The following KIAA0825 variants were observed in gnomAD, a reference collection of about 807,000 sequenced individuals.
The protein encoded by KIAA0825 is uncharacterized protein KIAA0825.
A neutral mutation model predicts 147.6 loss-of-function variants in KIAA0825; 119 were observed. That is an observed-to-expected ratio of 0.81 (90% confidence interval 0.69 to 0.94). The LOEUF (loss-of-function observed/expected upper bound fraction) is 0.94, where lower values mean the gene tolerates loss of function less well. Ranked by LOEUF, KIAA0825 falls within the 40% of genes least tolerant of loss-of-function variation. The pLI, the probability that KIAA0825 is intolerant of heterozygous loss-of-function variation, is 0.00. For synonymous variants in KIAA0825, 470 were observed against 518.1 expected, an observed-to-expected ratio of 0.91 and a Z score of 1.26; for missense variants, 1,381 against 1,472.7, an observed-to-expected ratio of 0.94 and a Z score of 1.02.
intron 20 of KIAA0825, among the ~76,000 whole-genome samples, chr5:94,292,633 A>C (rs1777951835): frequency 6.6e-6 from 1 of 152,170 alleles, no homozygotes; most frequent in African/African-American, 2.4e-5. Flanking sequence ...GTCTCATAAA[A>C]TGAGTTAGGG....
At chr5:94,190,491 ATTTTTTTTTTTTT>A (rs70975895) in intron 20 of KIAA0825, among the ~76,000 whole-genome samples, 4 of 106,302 alleles carry the variant, frequency 3.8e-5, no homozygotes, top group Non-Finnish European at 5.8e-5. Context: ...ACGCCCAGCT[ATTTTTTTTTTTTT>A]TTTTTTTTTT....
intron 18 of KIAA0825, among the ~76,000 whole-genome samples, chr5:94,388,352 C>A (rs1749456721): frequency 6.6e-6 from 1 of 152,056 alleles, no homozygotes; most frequent in Admixed American, 6.5e-5. Context: ...GGTTGGGGAC[C>A]CCTGTTGTAG....
intron 5 of KIAA0825, among the ~76,000 whole-genome samples, chr5:94,508,185 A>G (rs1411595459): frequency 2.6e-5 from 4 of 151,800 alleles, no homozygotes; most frequent in African/African-American, 9.7e-5. Flanking sequence ...TGCTGGATAT[A>G]ATCACTAATT....
intron 2 of KIAA0825, among the ~76,000 whole-genome samples, chr5:94,574,418 C>A (rs1780579285): frequency 6.6e-6 from 1 of 151,796 alleles, no homozygotes; most frequent in African/African-American, 2.4e-5. Context: ...TTGGTGTATG[C>A]CTGTAATCCC....
intron 2 of KIAA0825, among the ~76,000 whole-genome samples, chr5:94,547,292 TGAAA>T (rs1774598702): frequency 6.6e-6 from 1 of 152,110 alleles, no homozygotes; most frequent in African/African-American, 2.4e-5. Context: ...GAAAGTTTAT[TGAAA>T]GAAATAATTT....
intron 10 of KIAA0825, among the ~76,000 whole-genome samples, chr5:94,467,408 G>T (rs540952636): frequency 1.3e-5 from 2 of 152,278 alleles, no homozygotes; most frequent in East Asian, 3.9e-4. Flanking sequence ...ACAAGCAGCT[G>T]GGCTTTATTA....
intron 20 of KIAA0825, among the ~76,000 whole-genome samples, chr5:94,289,825 A>C (rs941011278): frequency 2.0e-5 from 3 of 151,840 alleles, no homozygotes; most frequent in African/African-American, 7.3e-5. Flanking sequence ...AGATCACTTG[A>C]GCCCAGGAGT....
intron 5 of KIAA0825, among the ~76,000 whole-genome samples, chr5:94,492,453 A>G (rs970481393): frequency 6.6e-6 from 1 of 152,134 alleles, no homozygotes; most frequent in African/African-American, 2.4e-5. Flanking sequence ...GCTCCTTCCT[A>G]TTTTGCCTTG....
intron 20 of KIAA0825, among the ~76,000 whole-genome samples, chr5:94,369,519 G>A (rs1746359707): frequency 6.6e-6 from 1 of 152,210 alleles, no homozygotes; most frequent in Non-Finnish European, 1.5e-5. Flanking sequence ...GAGGTGGGAA[G>A]GATGTGGAGA....
chr5:94,210,663 T>C (rs1772625697), intron 20 of KIAA0825, among the ~76,000 whole-genome samples: 1 of 152,302 alleles, frequency 6.6e-6, no homozygotes, highest in East Asian at 1.9e-4. Context: ...AAAATGAGCT[T>C]GCTTTAAAAG....
Position 94,151,169 on chromosome 5 carries a change from G to A in KIAA0825, c.*2838C>T, listed in dbSNP as rs1425457207. Reference sequence around the variant, plus strand: ...GCGGTGGCTCACGCCTGTAATCCCAGCACTTTGGGAGGCCGAGGCGGGTGG... The same window carrying A: ...GCGGTGGCTCACGCCTGTAATCCCAACACTTTGGGAGGCCGAGGCGGGTGG... On this transcript the variant is annotated 3_prime_UTR_variant, in exon 21 of 21. Coordinates refer to ENST00000682413, the MANE Select transcript of KIAA0825 (RefSeq NM_001145678.3). Among the ~76,000 whole-genome samples the A allele has an allele frequency of 1.3e-5, 2 of 151,830 alleles. No homozygotes were observed. Among genetic ancestry groups the A allele is most frequent in the Admixed American group, 6.6e-5 (1 of 15,256 alleles).
At chr5:94,165,618 T>C (rs1403526981) in intron 20 of KIAA0825, among the ~76,000 whole-genome samples, 2 of 152,136 alleles carry the variant, frequency 1.3e-5, no homozygotes, top group Non-Finnish European at 2.9e-5. Context: ...CAACAATAGA[T>C]AAATGGATAA....
chr5:94,447,001 G>A (rs1424685963), intron 13 of KIAA0825, among the ~76,000 whole-genome samples: 1 of 152,076 alleles, frequency 6.6e-6, no homozygotes, highest in Non-Finnish European at 1.5e-5. Context: ...CAAAAAGGAG[G>A]TGTCCAATTG....
intron 2 of KIAA0825, among the ~76,000 whole-genome samples, chr5:94,545,039 G>C (rs578157432): frequency 6.6e-6 from 1 of 152,040 alleles, no homozygotes. Context: ...ACTTAGAAGA[G>C]GGAGAGCACA....
In KIAA0825 at chr5:94,349,728, G is replaced by A. The variant is rs181923102; in HGVS notation, c.3710+34640C>T. Among the ~76,000 whole-genome samples the A allele has an allele frequency of 2.5e-4, 38 of 152,212 alleles. No homozygotes were observed. In the Middle Eastern group the frequency reaches 0.014, roughly 54 times the overall value. Reference sequence around the variant, plus strand: ...CAAGATGGAAATTTTAAAATTCTTCGAACTGAATGACAATAATGACATAAC... The same window carrying A: ...CAAGATGGAAATTTTAAAATTCTTCAAACTGAATGACAATAATGACATAAC... On this transcript the variant is annotated intron_variant, in intron 20 of 20. Transcript: ENST00000682413.
intron 20 of KIAA0825, among the ~76,000 whole-genome samples, chr5:94,247,131 C>T (rs371560343): frequency 2.1e-4 from 32 of 152,214 alleles, no homozygotes; most frequent in African/African-American, 7.0e-4. Context: ...TTGCCATTCA[C>T]GTGCCATAGC....
intron 14 of KIAA0825, among the ~76,000 whole-genome samples, chr5:94,419,112 G>A (rs916928125): frequency 6.6e-5 from 10 of 152,042 alleles, no homozygotes; most frequent in Non-Finnish European, 1.3e-4. Context: ...CTGGCCTCAA[G>A]TGATCCTTCT....
At chr5:94,424,812 AC>A (rs1422919197) in intron 14 of KIAA0825, among the ~76,000 whole-genome samples, 1 of 152,152 alleles carries the variant, frequency 6.6e-6, no homozygotes, top group East Asian at 1.9e-4. Flanking sequence ...AGACATTACA[AC>A]TGAGACCACA....
At chr5:94,391,458 C>A in intron 18 of KIAA0825, 77 bp downstream of exon 18, 1 of 1,437,234 alleles carries the variant, frequency 7.0e-7, no homozygotes, top group South Asian at 1.2e-5. Context: ...ACCTCCTTGA[C>A]TAACCCTTAG....
Sources: allele counts gnomAD v4.1 joint callset (sites outside exome capture counted in the v4.1 genomes callset), GRCh38; gene constraint gnomAD v4.1.1; transcripts MANE v1.5; gene names NCBI Gene and HGNC (gene_info 2026-07-23, HGNC 2026-07-21).